The following CACNB2 variants were observed in gnomAD, a reference collection of about 807,000 sequenced individuals.
The protein encoded by CACNB2 is calcium voltage-gated channel auxiliary subunit beta 2.
Under a neutral mutation model 73.3 loss-of-function variants are expected in CACNB2, and 42 were observed. The observed-to-expected ratio is 0.57, with a 90% CI of 0.45 to 0.74. CACNB2 has a LOEUF of 0.74. Among genes scored for constraint, CACNB2 ranks in the 30% least tolerant of loss-of-function variants. The pLI, the probability that CACNB2 is intolerant of heterozygous loss-of-function variation, is 0.00. For missense variants in CACNB2, 940 were observed against 853.0 expected, an observed-to-expected ratio of 1.10 and a Z score of -1.27; for synonymous variants, 348 against 310.3, an observed-to-expected ratio of 1.12 and a Z score of -1.28.
intron 3 of CACNB2, among the ~76,000 whole-genome samples, chr10:18,488,009 A>G (rs913591768): frequency 2.7e-5 from 4 of 150,714 alleles, no homozygotes; most frequent in Admixed American, 2.0e-4. Flanking sequence ...GGGTTTCACC[A>G]TGTTGCACTG....
intron 2 of CACNB2, among the ~76,000 whole-genome samples, chr10:18,284,989 C>T (rs902085848): frequency 4.6e-5 from 7 of 152,062 alleles, no homozygotes; most frequent in African/African-American, 1.7e-4. Flanking sequence ...TCACCTGGGG[C>T]TCTTTGAGAA....
intron 2 of CACNB2, among the ~76,000 whole-genome samples, chr10:18,344,620 C>T (rs1429563418): frequency 2.6e-5 from 4 of 152,048 alleles, no homozygotes; most frequent in African/African-American, 9.7e-5. Context: ...GATCCACCCA[C>T]CTCGGCCTCC....
chr10:18,181,259 C>G (rs1473093040), intron 2 of CACNB2, among the ~76,000 whole-genome samples: 1 of 152,140 alleles, frequency 6.6e-6, no homozygotes, highest in East Asian at 1.9e-4. Flanking sequence ...TCCCTCTTAG[C>G]AAAAGCTAGT....
chr10:18,445,928 G>A (rs1044751978), intron 3 of CACNB2, among the ~76,000 whole-genome samples: 1 of 152,200 alleles, frequency 6.6e-6, no homozygotes, highest in Non-Finnish European at 1.5e-5. Context: ...CAGCTACTCA[G>A]GAGGCTGAGG....
chr10:18,533,828 A>G (rs2053298494), intron 10 of CACNB2, among the ~76,000 whole-genome samples: 1 of 152,198 alleles, frequency 6.6e-6, no homozygotes, highest in African/African-American at 2.4e-5. Context: ...AATTTCCACA[A>G]TCCAAGTATT....
intron 2 of CACNB2, among the ~76,000 whole-genome samples, chr10:18,243,199 A>T (rs1279498591): frequency 1.3e-5 from 2 of 152,122 alleles, no homozygotes; most frequent in African/African-American, 4.8e-5. Flanking sequence ...GACTAGTAAT[A>T]CACAAAGTCC....
At chr10:18,320,023 G>C (rs1807208339) in intron 2 of CACNB2, among the ~76,000 whole-genome samples, 4 of 152,058 alleles carry the variant, frequency 2.6e-5, no homozygotes, top group Admixed American at 2.6e-4. Context: ...TTTGCTCTTT[G>C]GCTCCTTCTG....
At chr10:18,409,592 T>A (rs1477184035) in intron 3 of CACNB2, among the ~76,000 whole-genome samples, 1 of 152,180 alleles carries the variant, frequency 6.6e-6, no homozygotes, top group Non-Finnish European at 1.5e-5. Context: ...AATGTTTAAT[T>A]TTTGATCATC....
chr10:18,374,895 C>T (rs558052953), intron 2 of CACNB2, among the ~76,000 whole-genome samples: 1 of 152,132 alleles, frequency 6.6e-6, no homozygotes, highest in Admixed American at 6.6e-5. Context: ...CCCCTAGACT[C>T]TCAGATTTAG....
intron 9 of CACNB2, among the ~76,000 whole-genome samples, chr10:18,524,205 C>T (rs1266840895): frequency 6.7e-6 from 1 of 149,222 alleles, no homozygotes; most frequent in Non-Finnish European, 1.5e-5. Flanking sequence ...GATAAATTCA[C>T]GGTTTTTTTT....
chr10:18,313,328 C>T (rs1453686996), intron 2 of CACNB2, among the ~76,000 whole-genome samples: 1 of 147,002 alleles, frequency 6.8e-6, no homozygotes, highest in Non-Finnish European at 1.5e-5. Flanking sequence ...GGAGCCGTCG[C>T]GTGCATGGTA....
chr10:18,394,562 G>A (rs2043631763), intron 2 of CACNB2, among the ~76,000 whole-genome samples: 2 of 152,138 alleles, frequency 1.3e-5, no homozygotes, highest in South Asian at 4.1e-4. Context: ...TTTACAAAGG[G>A]AGGAATTAGC....
rs560471510 is a variant in CACNB2, at chr10:18,476,100, A to G, written c.334-22255A>G. 1.2e-4 allele frequency among the ~76,000 whole-genome samples: 18 copies of G among 152,342 alleles called. No homozygotes were observed. The South Asian group carries it at 3.5e-3, about 30-fold the overall frequency. On this transcript the variant is annotated intron_variant, in intron 3 of 13. Coordinates refer to ENST00000324631, the MANE Select transcript of CACNB2 (RefSeq NM_201596.3). Reference sequence around the variant, plus strand: ...ATACTAAACAAGCAGTGGATTGTTCATGAGTTTTCCAGGAAAGGTGTGGGC... The same window carrying G: ...ATACTAAACAAGCAGTGGATTGTTCGTGAGTTTTCCAGGAAAGGTGTGGGC...
At chr10:18,234,718 C>T (rs918370207) in intron 2 of CACNB2, among the ~76,000 whole-genome samples, 2 of 152,044 alleles carry the variant, frequency 1.3e-5, no homozygotes, top group Non-Finnish European at 2.9e-5. Context: ...ATGGAGAGAA[C>T]GGAGGAAGAT....
At chr10:18,231,554 A>G (rs1257207112) in intron 2 of CACNB2, among the ~76,000 whole-genome samples, 1 of 152,212 alleles carries the variant, frequency 6.6e-6, no homozygotes, top group Non-Finnish European at 1.5e-5. Context: ...AATCTCTTTT[A>G]GAGAATGTGG....
At chr10:18,378,219 A>T (rs1405090850) in intron 2 of CACNB2, among the ~76,000 whole-genome samples, 1 of 152,144 alleles carries the variant, frequency 6.6e-6, no homozygotes, top group Non-Finnish European at 1.5e-5. Flanking sequence ...CAGTTTTCAC[A>T]TTGGAATTAT....
intron 3 of CACNB2, among the ~76,000 whole-genome samples, chr10:18,467,089 A>T (rs555139286): frequency 6.6e-6 from 1 of 152,252 alleles, no homozygotes; most frequent in African/African-American, 2.4e-5. Context: ...AGGAGGCGGA[A>T]GTTGCAGTGA....
intron 2 of CACNB2, among the ~76,000 whole-genome samples, chr10:18,324,528 A>G (rs1449709909): frequency 6.6e-6 from 1 of 152,258 alleles, no homozygotes; most frequent in Non-Finnish European, 1.5e-5. Context: ...AACAGAAATA[A>G]TATGTTTTAA....
chr10:18,222,885 T>C (rs2035849618), intron 2 of CACNB2, among the ~76,000 whole-genome samples: 3 of 152,148 alleles, frequency 2.0e-5, no homozygotes, highest in Admixed American at 1.3e-4. Context: ...TGCAGTGAGC[T>C]GAGATTGCGC....
Sources: allele counts gnomAD v4.1 joint callset (sites outside exome capture counted in the v4.1 genomes callset), GRCh38; gene constraint gnomAD v4.1.1; transcripts MANE v1.5; gene names NCBI Gene and HGNC (gene_info 2026-07-23, HGNC 2026-07-21).